Variants in MEF2D observed in about 807,000 individuals in gnomAD.
MEF2D encodes the protein myocyte-specific enhancer factor 2D.
MEF2D carries 10 observed loss-of-function variants against 59.3 expected under a neutral mutation model. That is an observed-to-expected ratio of 0.17 (90% CI 0.10 to 0.29). The LOEUF (loss-of-function observed/expected upper bound fraction) is 0.29. MEF2D is among the 10% of genes least tolerant of loss of function. The pLI is 1.00. For synonymous variants in MEF2D, 305 were observed against 295.0 expected (o/e 1.03, Z -0.35); for missense variants, 508 against 699.4 (o/e 0.73, Z 3.09).
intron 1 of MEF2D, among the ~76,000 whole-genome samples, chr1:156,497,319 G>T (rs999526637): frequency 6.6e-6 from 1 of 152,266 alleles, no homozygotes; most frequent in African/African-American, 2.4e-5. Context: ...TGCTGAGGTT[G>T]TGCCGGCCTG....
chr1:156,485,522 CTTT>C (rs60165062), intron 1 of MEF2D, among the ~76,000 whole-genome samples: 269 of 131,740 alleles, frequency 2.0e-3, no homozygotes, highest in African/African-American at 2.1e-3. Context: ...TCTCCTTCTT[CTTT>C]TTTTTTTTTT....
At chr1:156,475,000 T>G in intron 9 of MEF2D, 108 bp downstream of exon 9, 1 of 1,503,090 alleles carries the variant, frequency 6.7e-7, no homozygotes, top group South Asian at 1.2e-5. Context: ...CCCAAATCAG[T>G]AGCCCTCCTC....
intron 9 of MEF2D, among the ~76,000 whole-genome samples, chr1:156,470,337 T>C (rs1209290371): frequency 2.0e-5 from 3 of 151,558 alleles, no homozygotes; most frequent in African/African-American, 2.4e-5. Context: ...GAGAATTGCT[T>C]GAACCTGGGA....
chr1:156,474,785 G>A (rs1671457863), intron 9 of MEF2D, among the ~76,000 whole-genome samples: 1 of 152,094 alleles, frequency 6.6e-6, no homozygotes, highest in Admixed American at 6.5e-5. Context: ...ACTCCAGTCT[G>A]GGTGACAGAG....
chr1:156,491,302 A>C lies in MEF2D; in HGVS notation c.-138-7872T>G, dbSNP rs183784169. Among the ~76,000 whole-genome samples, 4 of 152,278 alleles carry C rather than the reference A, an allele frequency of 2.6e-5. No homozygotes were observed. The East Asian group carries it at 5.8e-4, about 22-fold the overall frequency. Reference sequence around the variant, plus strand: ...GGTAGCTGGGTGGACTAGGTACCCAAATGCCCTTCTGGCCCAAACACATGG... The same window carrying C: ...GGTAGCTGGGTGGACTAGGTACCCACATGCCCTTCTGGCCCAAACACATGG... On this transcript the variant is annotated intron_variant, in intron 1 of 11. Coordinates refer to ENST00000348159, the MANE Select transcript of MEF2D (RefSeq NM_005920.4).
At chr1:156,482,725 C>G (rs1243824428) in intron 2 of MEF2D, 85 bp from the exon 3 acceptor site, 5 of 1,289,804 alleles carry the variant, frequency 3.9e-6, no homozygotes, top group Non-Finnish European at 5.6e-6. Context: ...CTGGACATAG[C>G]CCCTGCCCTC....
chr1:156,466,810 G>A lies in MEF2D; in HGVS notation c.*835C>T, dbSNP rs1670876709. 6.5e-6 allele frequency: 1 copy of A among 152,734 alleles called. No homozygotes were observed. The highest frequency in any genetic ancestry group is 1.5e-5 in the Non-Finnish European group (1 of 68,146). The allele number at this position is 152,734 out of a possible 1,614,324, so 9.5% of individuals were successfully genotyped here. ...CACTGTATATCTTAGAGAAAAACTG[G>A]GGAAGGGAGGGGCTCAATTTGCCCC... On this transcript the variant is annotated 3_prime_UTR_variant, in exon 12 of 12. Coordinates refer to ENST00000348159, the MANE Select transcript of MEF2D (RefSeq NM_005920.4).
Position 156,475,148 on chromosome 1 carries a change from C to G in MEF2D, c.966G>C (p.Gln322His). 1 of 1,614,214 alleles carries G rather than the reference C, an allele frequency of 6.2e-7. No individual in the cohort carries two copies. Among genetic ancestry groups the G allele is most frequent in the South Asian group, 1.1e-5 (1 of 91,086 alleles). ...TGGGCATGGAAGAGAAGGGGAGGCCCTGGCTGAGTAAACTCGGCGTTGCCA... is the reference window on the plus strand; with the variant it reads ...TGGGCATGGAAGAGAAGGGGAGGCCGTGGCTGAGTAAACTCGGCGTTGCCA... Reference protein sequence around the residue: ...VSVATPSLLSQGLPFSSMPTA... With the variant: ...VSVATPSLLSHGLPFSSMPTA... The change falls in exon 9 of 12, where the codon CAG becomes CAC. Residue 322 changes from glutamine (Q) to histidine (H), a missense_variant. By Grantham distance (24) the Gln-to-His change is conservative. This residue lies in a region of MEF2D where 481 missense variants were observed against 584.7 expected (regional missense o/e 0.82). Coordinates refer to ENST00000348159, the MANE Select transcript of MEF2D (RefSeq NM_005920.4).
chr1:156,490,276 C>T (rs535077809), intron 1 of MEF2D, among the ~76,000 whole-genome samples: 1 of 152,104 alleles, frequency 6.6e-6, no homozygotes, highest in South Asian at 2.1e-4. Flanking sequence ...CCCTCTCTGT[C>T]CCCGCCCCCT....
At chr1:156,497,403 C>T (rs1487077961) in intron 1 of MEF2D, among the ~76,000 whole-genome samples, 2 of 152,218 alleles carry the variant, frequency 1.3e-5, no homozygotes, top group African/African-American at 4.8e-5. Context: ...CCTCGAGAGT[C>T]CCAGCCATGG....
At chr1:156,498,253 GCA>G (rs1220905494) in intron 1 of MEF2D, among the ~76,000 whole-genome samples, 1 of 152,082 alleles carries the variant, frequency 6.6e-6, no homozygotes, top group African/African-American at 2.4e-5. Context: ...GGGGCACCAA[GCA>G]CAGAGTGGGG....
chr1:156,480,122 G>A (rs1403120845), intron 4 of MEF2D, among the ~76,000 whole-genome samples: 1 of 152,176 alleles, frequency 6.6e-6, no homozygotes, highest in African/African-American at 2.4e-5. Context: ...CACACGGGGA[G>A]CAGGTTAGAG....
chr1:156,468,977 A>G lies in MEF2D; in HGVS notation c.1050T>C (p.Phe350=). 1 of 1,612,986 alleles carries G rather than the reference A, an allele frequency of 6.2e-7. No homozygotes were observed. Among genetic ancestry groups the G allele is most frequent in the Non-Finnish European group, 8.5e-7 (1 of 1,179,124 alleles). Residue 350 remains phenylalanine, a synonymous_variant, in exon 10 of 12, where the codon TTT becomes TTC. Transcript: ENST00000348159. This position sits in a 1 kb window ranked among gnomAD's most constrained non-coding sequence, Gnocchi z 4.3. The part of the protein sequence containing the change: ...TSAELSSLPA[F]SSPGGLSLGN... ...CTAGCGACAGCCCCCCAGGTGAACT[A>G]AAGGCTGGTAAGGAGGAGAGCTCTG...
intron 11 of MEF2D, 25 bp from the exon 12 acceptor site, chr1:156,467,681 G>C (rs1443752834): frequency 2.2e-6 from 3 of 1,344,956 alleles, no homozygotes; most frequent in East Asian, 2.7e-5. Flanking sequence ...GATGGAGAAG[G>C]GGGTGTGAGG....
chr1:156,479,819 AG>A (rs1226732088), intron 4 of MEF2D, 23 bp from the exon 5 acceptor site: 1 of 1,550,192 alleles, frequency 6.5e-7, no homozygotes, highest in East Asian at 2.4e-5. Context: ...ATGGAGGGGC[AG>A]GATCAGGCCA....
intron 1 of MEF2D, among the ~76,000 whole-genome samples, chr1:156,497,268 C>T (rs563907634): frequency 7.2e-5 from 11 of 152,384 alleles, no homozygotes; most frequent in African/African-American, 2.4e-4. Flanking sequence ...CGGACTCCGG[C>T]CCCATGACTG....
rs1672087240 is a variant in MEF2D at position 156,482,459 on chromosome 1, C to T, written c.236G>A (p.Arg79His). ...YTEYNEPHES[R>H]TNADIIETLR... Reference sequence around the variant, plus strand: ...CACCTCGATGATGTCGGCGTTGGTGCGGCTCTCGTGTGGCTCATTGTACTC... The same window carrying T: ...CACCTCGATGATGTCGGCGTTGGTGTGGCTCTCGTGTGGCTCATTGTACTC... The change falls in exon 3 of 12, where the codon CGC becomes CAC. Residue 79 changes from arginine to histidine, a missense_variant. Physicochemically the swap from Arg to His is conservative, Grantham distance 29 (BLOSUM62 0). Around this residue, in one of 2 missense-constraint regions of MEF2D, gnomAD observed 27 missense variants for 114.8 expected, o/e 0.24. Coordinates refer to ENST00000348159, the MANE Select transcript of MEF2D (RefSeq NM_005920.4). 3 of 1,614,100 alleles carry T rather than the reference C, an allele frequency of 1.9e-6. No individual in the cohort carries two copies. The highest frequency in any genetic ancestry group is 1.1e-5 in the South Asian group (1 of 91,066).
rs753836083 is a variant in MEF2D, at chr1:156,477,128, T to C, written c.739A>G (p.Ile247Val). The C allele has an allele frequency of 2.5e-6, 4 of 1,613,926 alleles. No homozygotes were observed. In the East Asian group the frequency reaches 8.9e-5, roughly 36 times the overall value. Residue 247 changes from isoleucine (I) to valine (V), a missense_variant, in exon 7 of 12, where the codon ATC (isoleucine) becomes GTC (valine). Coordinates refer to ENST00000348159, the MANE Select transcript of MEF2D (RefSeq NM_005920.4). ...VANGNSLNKV[I>V]PAKSPPPPTH... ...GGTGGGGGTGGAGACTTGGCAGGGATGACCTTGTTTAGGCTGTTGCCATTG... is the reference window on the plus strand; with the variant it reads ...GGTGGGGGTGGAGACTTGGCAGGGACGACCTTGTTTAGGCTGTTGCCATTG...
chr1:156,480,877 C>A lies in MEF2D; in HGVS notation c.353G>T (p.Arg118Leu), dbSNP rs745986168. 1.9e-6 allele frequency: 3 copies of A among 1,606,654 alleles called. No homozygotes were observed. The South Asian group carries it at 3.3e-5, about 18-fold the overall frequency. ...EQSPLLEDKY[R>L]RASEELDGLF... ...CCCGTCGAGCTCCTCGCTGGCGCGT[C>A]GGTACTTGTCCTCCAGCAGGGGGCT... The change falls in exon 4 of 12, where the codon CGA becomes CTA. Residue 118 changes from arginine to leucine, a missense_variant. Physicochemically the swap from Arg to Leu is moderately radical, Grantham distance 102. Transcript: ENST00000348159.
Sources: allele counts gnomAD v4.1 joint callset (sites outside exome capture counted in the v4.1 genomes callset), GRCh38; gene constraint gnomAD v4.1.1; regional missense constraint gnomAD v4.1.1; non-coding constraint Gnocchi (gnomAD v3.1); transcripts MANE v1.5; gene names NCBI Gene and HGNC (gene_info 2026-07-23, HGNC 2026-07-21).